CD244: variants seen among roughly 807,000 people sequenced by gnomAD.
CD244 encodes the protein CD244 molecule, also known as natural killer cell receptor 2B4.
Under a neutral mutation model 45.5 loss-of-function variants are expected in CD244, and 20 were observed. The observed-to-expected ratio is 0.44, with a 90% CI of 0.31 to 0.64. The LOEUF is 0.64. Ranked by LOEUF, CD244 falls within the 30% of genes least tolerant of loss-of-function variation. The probability of loss-of-function intolerance (pLI) is 0.08; values close to 1 mark genes in which losing one functional copy is unlikely to be tolerated. For synonymous variants in CD244, 185 were observed against 160.5 expected, an observed-to-expected ratio of 1.15 and a Z score of -1.15; for missense variants, 407 against 426.9, an observed-to-expected ratio of 0.95 and a Z score of 0.41.
At chr1:160,845,117 C>G (rs1288156310) in intron 1 of CD244, among the ~76,000 whole-genome samples, 1 of 152,164 alleles carries the variant, frequency 6.6e-6, no homozygotes, top group Non-Finnish European at 1.5e-5. Flanking sequence ...AGCAGAATCA[C>G]TAACTAAATA....
chr1:160,841,750 A>T lies in CD244; in HGVS notation c.213T>A (p.Asn71Lys). 6.2e-7 allele frequency: 1 copy of T among 1,614,204 alleles called. No individual in the cohort carries two copies. The highest frequency in any genetic ancestry group is 8.5e-7 in the Non-Finnish European group (1 of 1,180,034). ...NGFHHILKWE[N>K]GSLPSNTSND... ...TGGAAGTATTGGAAGGCAAAGAGCC[A>T]TTCTCCCACTTCAATATGTGATGAA... Residue 71 changes from asparagine to lysine, a missense_variant, in exon 2 of 9, where the codon AAT (asparagine) becomes AAA (lysine). Physicochemically the swap from Asn to Lys is moderately conservative, Grantham distance 94. Transcript: ENST00000368034.
chr1:160,832,671 G>T, intron 7 of CD244, 96 bp from the exon 8 acceptor site: 1 of 1,571,494 alleles, frequency 6.4e-7, no homozygotes, highest in South Asian at 1.1e-5. Context: ...TCAGGGCCCA[G>T]AAAAATTCTG....
At chr1:160,854,630 G>A (rs374084818) in intron 1 of CD244, among the ~76,000 whole-genome samples, 1 of 151,180 alleles carries the variant, frequency 6.6e-6, no homozygotes. Context: ...CTGACCTCAA[G>A]TAATCCACCC....
At chr1:160,848,677 A>G (rs1300527350) in intron 1 of CD244, among the ~76,000 whole-genome samples, 1 of 152,108 alleles carries the variant, frequency 6.6e-6, no homozygotes. Flanking sequence ...CATTTCTACA[A>G]GGTTGTTGGT....
intron 5 of CD244, 50 bp downstream of exon 5, chr1:160,838,401 A>T (rs1366721901): frequency 6.9e-6 from 9 of 1,308,792 alleles, no homozygotes; most frequent in Middle Eastern, 1.8e-4. Context: ...TCATTGAAAG[A>T]GCATTTTCCA....
At chr1:160,859,656 C>T (rs745599247) in intron 1 of CD244, among the ~76,000 whole-genome samples, 23 of 151,700 alleles carry the variant, frequency 1.5e-4, no homozygotes, top group Non-Finnish European at 3.2e-4. Flanking sequence ...CTTGTAGTCC[C>T]ACCACTTTGG....
chr1:160,844,434 T>A (rs568107766), intron 1 of CD244, among the ~76,000 whole-genome samples: 29 of 152,320 alleles, frequency 1.9e-4, no homozygotes, highest in African/African-American at 6.5e-4. Context: ...ACTTTACAGC[T>A]CCTTCTGTTA....
chr1:160,839,468 T>A (rs534711680), intron 3 of CD244, among the ~76,000 whole-genome samples: 1 of 152,230 alleles, frequency 6.6e-6, no homozygotes, highest in African/African-American at 2.4e-5. Context: ...GTGGATTCAA[T>A]GAATTGTGGA....
At chr1:160,852,483 A>C (rs577658665) in intron 1 of CD244, among the ~76,000 whole-genome samples, 2 of 152,308 alleles carry the variant, frequency 1.3e-5, no homozygotes, top group East Asian at 3.9e-4. Context: ...CAGGAGGCAG[A>C]GGTTGCAGTG....
chr1:160,839,016 AC>A lies in CD244; in HGVS notation c.688del (p.Val230Ter). On this transcript the variant is annotated frameshift_variant, in exon 4 of 9. Coordinates refer to ENST00000368034, the MANE Select transcript of CD244 (RefSeq NM_016382.4). LOFTEE classifies it high-confidence loss of function. ...FRFWPFLVII[V>X]ILSALFLGTL... ...GCCAAGGAACAGTGCGCTTAGAATC[AC>A]GATGATCACCAAAAACGGCCAAAAT... The A allele has an allele frequency of 6.2e-7, 1 of 1,614,028 alleles. No individual in the cohort carries two copies. Among genetic ancestry groups the A allele is most frequent in the Non-Finnish European group, 8.5e-7 (1 of 1,179,978 alleles).
chr1:160,839,887 C>G (rs985450288), intron 3 of CD244, among the ~76,000 whole-genome samples: 2 of 152,206 alleles, frequency 1.3e-5, no homozygotes, highest in Non-Finnish European at 2.9e-5. Flanking sequence ...CATGGCTCTT[C>G]CTCATTTGAA....
intron 1 of CD244, among the ~76,000 whole-genome samples, chr1:160,854,988 A>C (rs538498984): frequency 2.0e-4 from 30 of 152,306 alleles, no homozygotes; most frequent in African/African-American, 5.5e-4. Flanking sequence ...TTCTGAAAGA[A>C]GCTCTGGTGC....
At position 160,841,355 on chromosome 1, in the gene CD244, C is replaced by T; in HGVS notation, c.510G>A (p.Leu170=). The part of the protein sequence containing the change: ...VSYAWYRGSK[L]IQTAGNLTYL... ...AGGTGAGGTTCCCTGCTGTCTGGAT[C>T]AGCTTGCTCCCTCTGTACCAAGCAT... Residue 170 remains leucine (L), a synonymous_variant, in exon 3 of 9, where the codon CTG becomes CTA. Coordinates refer to ENST00000368034, the MANE Select transcript of CD244 (RefSeq NM_016382.4). 1 of 1,614,228 alleles carries T rather than the reference C, an allele frequency of 6.2e-7. No individual in the cohort carries two copies. Among genetic ancestry groups the T allele is most frequent in the Non-Finnish European group, 8.5e-7 (1 of 1,180,042 alleles).
At chr1:160,861,930 C>G (rs1005611838) in intron 1 of CD244, among the ~76,000 whole-genome samples, 2 of 152,204 alleles carry the variant, frequency 1.3e-5, no homozygotes, top group Non-Finnish European at 2.9e-5. Context: ...GCATCCTGGA[C>G]CCCAGAACTG....
In CD244 at chr1:160,834,030, C is replaced by T. The variant is rs1271646507; in HGVS notation, c.960+21G>A. ...CATCTACATCAACAACACCCCACCA[C>T]CACCACGGGAAGAGGCTCACCTTCC... is the stretch of plus-strand genomic sequence containing the variant. On this transcript the variant is annotated intron_variant, in intron 7 of 8. Coordinates refer to ENST00000368034, the MANE Select transcript of CD244 (RefSeq NM_016382.4). The T allele has an allele frequency of 1.9e-6, 3 of 1,579,170 alleles. No individual in the cohort carries two copies. In the South Asian group the frequency reaches 3.3e-5, roughly 17 times the overall value.
intron 1 of CD244, among the ~76,000 whole-genome samples, chr1:160,858,305 C>T (rs1670181288): frequency 6.6e-6 from 1 of 152,054 alleles, no homozygotes; most frequent in Non-Finnish European, 1.5e-5. Flanking sequence ...CCAAAGCAGT[C>T]GCAGTTAGAC....
intron 1 of CD244, among the ~76,000 whole-genome samples, chr1:160,856,993 A>C (rs1303986499): frequency 6.6e-6 from 1 of 152,256 alleles, no homozygotes. Context: ...AACCCAAGCA[A>C]GGGCTTCATG....
In CD244 at chr1:160,841,710, A is replaced by T. The variant is rs1180506186; in HGVS notation, c.253T>A (p.Phe85Ile). The T allele has an allele frequency of 2.2e-5, 36 of 1,614,064 alleles. No homozygotes were observed. The highest frequency in any genetic ancestry group is 3.0e-5 in the Non-Finnish European group (35 of 1,180,018). ...PSNTSNDRFS[F>I]IVKNLSLLIK... ...AGAAGACTCAAGTTCTTGACTATAA[A>T]ACTGAATCTATCATTGGAAGTATTG... The change falls in exon 2 of 9, where the codon TTT (phenylalanine) becomes ATT (isoleucine). Residue 85 changes from phenylalanine to isoleucine, a missense_variant. Physicochemically the swap from Phe to Ile is conservative, Grantham distance 21. Coordinates refer to ENST00000368034, the MANE Select transcript of CD244 (RefSeq NM_016382.4).
In CD244 at chr1:160,836,220, G is replaced by GAT; in HGVS notation, c.868_869insAT (p.Thr290AsnfsTer6). The stretch of plus-strand genomic sequence containing the variant: ...CTGGGACTGGATCATAGAGTAGATG[G>GAT]TGCTCCCCCCTCCAGGAAAAGTCTG... On this transcript the variant is annotated frameshift_variant, in exon 6 of 9. Coordinates refer to ENST00000368034, the MANE Select transcript of CD244 (RefSeq NM_016382.4). LOFTEE classifies it high-confidence loss of function. 2.5e-6 allele frequency: 4 copies of GAT among 1,613,894 alleles called. No homozygotes were observed. In the South Asian group the frequency reaches 3.3e-5, roughly 13 times the overall value.
Sources: gnomAD v4.1 joint callset for allele counts (sites outside exome capture counted in the v4.1 genomes callset) on GRCh38, gnomAD v4.1.1 for gene constraint, MANE v1.5 for transcripts, NCBI Gene and HGNC (gene_info 2026-07-23, HGNC 2026-07-21) for gene names.